Variants in RGS12 observed in about 807,000 individuals in gnomAD.
RGS12 encodes regulator of G protein signaling 12.
Under a neutral mutation model 120.1 loss-of-function variants are expected in RGS12, and 66 were observed. The observed-to-expected ratio is 0.55, with a 90% CI of 0.45 to 0.67. The LOEUF is 0.67. Among genes scored for constraint, RGS12 ranks in the 30% least tolerant of loss-of-function variants. The pLI, the probability that RGS12 is intolerant of heterozygous loss-of-function variation, is 0.00. For missense variants in RGS12, 1,859 were observed against 1,957.7 expected, an observed-to-expected ratio of 0.95 and a Z score of 0.95; for synonymous variants, 827 against 804.7, an observed-to-expected ratio of 1.03 and a Z score of -0.47.
intron 2 of RGS12, among the ~76,000 whole-genome samples, chr4:3,337,294 T>G (rs1009900042): frequency 6.6e-6 from 1 of 152,216 alleles, no homozygotes; most frequent in African/African-American, 2.4e-5. Flanking sequence ...GCACCCACCA[T>G]GGGAAACAGT....
Position 3,430,646 on chromosome 4 carries a change from G to A in RGS12, c.3805G>A (p.Asp1269Asn), listed in dbSNP as rs757182071. Residue 1269 changes from aspartate (D) to asparagine (N), a missense_variant, in exon 17 of 18, where the codon GAC (aspartate) becomes AAC (asparagine). Physicochemically the swap from Asp to Asn is conservative, Grantham distance 23. This residue lies in a region of RGS12 where 517 missense variants were observed against 488.5 expected (regional missense o/e 1.06). Coordinates refer to ENST00000336727, the MANE Select transcript of RGS12 (RefSeq NM_001394154.1). The stretch of plus-strand genomic sequence containing the variant: ...GTGGGAGCCAGTCCAGGAGAGCAGC[G>A]ACAGCCCGTCCACCAGCCCGGGCTC... The part of the protein sequence containing the change: ...EQWEPVQESS[D>N]SPSTSPGSAS... The A allele has an allele frequency of 1.9e-5, 31 of 1,599,562 alleles. No individual in the cohort carries two copies. Among genetic ancestry groups the A allele is most frequent in the South Asian group, 6.7e-5 (6 of 89,950 alleles).
At chr4:3,345,707 G>A (rs1713723531) in intron 3 of RGS12, among the ~76,000 whole-genome samples, 1 of 152,208 alleles carries the variant, frequency 6.6e-6, no homozygotes, top group South Asian at 2.1e-4. Context: ...ATTCTGTTAG[G>A]AGTTGTACTT....
chr4:3,328,938 T>G (rs1711531885), intron 2 of RGS12, among the ~76,000 whole-genome samples: 2 of 152,170 alleles, frequency 1.3e-5, no homozygotes, highest in Admixed American at 6.5e-5. Context: ...GGCCTGACTT[T>G]TCCTCCCCCT....
chr4:3,311,450 T>C lies in RGS12; in HGVS notation c.-101-4620T>C, dbSNP rs551258896. Among the ~76,000 whole-genome samples the C allele has an allele frequency of 1.1e-4, 16 of 152,368 alleles. No individual in the cohort carries two copies. The South Asian group carries it at 3.3e-3, about 32-fold the overall frequency. On this transcript the variant is annotated intron_variant, in intron 1 of 17. Coordinates refer to ENST00000336727, the MANE Select transcript of RGS12 (RefSeq NM_001394154.1). ...CTAGATCACCCTGAGTTTTTTTTCT[T>C]TGTTTTGTTTTATTGTCCTCTTTAC...
upstream of RGS12, among the ~76,000 whole-genome samples, chr4:3,292,084 A>G (rs2110338463): frequency 6.6e-6 from 1 of 152,320 alleles, no homozygotes; most frequent in South Asian, 2.1e-4. Flanking sequence ...GGCGGGCGGC[A>G]GGGCTGGAGC....
intron 2 of RGS12, among the ~76,000 whole-genome samples, chr4:3,333,597 C>G (rs182131315): frequency 6.6e-6 from 1 of 152,330 alleles, no homozygotes; most frequent in South Asian, 2.1e-4. Flanking sequence ...GCACTAATCT[C>G]GTCCTTCCAC....
At position 3,428,075 on chromosome 4, in the gene RGS12, C is replaced by G; in HGVS notation, c.3332-15C>G. On this transcript the variant is annotated splice_polypyrimidine_tract_variant and intron_variant, in intron 14 of 17. Transcript: ENST00000336727. ...TTTGCGAGTCCCTGAAGTCATAAAG[C>G]TTTCTTATGTTTAGCATCCGCAGAT... is the stretch of plus-strand genomic sequence containing the variant. The G allele has an allele frequency of 1.2e-6, 2 of 1,611,384 alleles. No homozygotes were observed. The highest frequency in any genetic ancestry group is 4.5e-5 in the East Asian group (2 of 44,838).
chr4:3,393,757 C>T lies in RGS12; in HGVS notation c.2020+7320C>T, dbSNP rs902329590. Among the ~76,000 whole-genome samples the T allele has an allele frequency of 3.6e-4, 55 of 152,334 alleles. 1 individual carries two copies. The highest frequency in any genetic ancestry group is 1.3e-3 in the African/African-American group (53 of 41,576). On this transcript the variant is annotated intron_variant, in intron 4 of 17. Coordinates refer to ENST00000336727, the MANE Select transcript of RGS12 (RefSeq NM_001394154.1). Reference sequence around the variant, plus strand: ...AAGGCCTGTCCCAGGTGCTCTCCCACGGCAGATAGAGTTCTGTGATATAAT... The same window carrying T: ...AAGGCCTGTCCCAGGTGCTCTCCCATGGCAGATAGAGTTCTGTGATATAAT...
At chr4:3,400,390 T>C (rs1282131832) in intron 4 of RGS12, among the ~76,000 whole-genome samples, 8 of 152,298 alleles carry the variant, frequency 5.3e-5, no homozygotes, top group Middle Eastern at 6.8e-3. Flanking sequence ...TTTGTGGGGC[T>C]CTCACTTTTC....
intron 3 of RGS12, among the ~76,000 whole-genome samples, chr4:3,356,127 C>T (rs1165577566): frequency 6.8e-6 from 1 of 147,866 alleles, no homozygotes; most frequent in Non-Finnish European, 1.5e-5. Context: ...AATCTTGGCT[C>T]ACTGCAACCT....
intron 17 of RGS12, among the ~76,000 whole-genome samples, chr4:3,437,026 G>A (rs1724876062): frequency 6.6e-6 from 1 of 152,186 alleles, no homozygotes; most frequent in South Asian, 2.1e-4. Context: ...AGGTGGTGCA[G>A]GCTCTGCTGG....
chr4:3,367,113 G>A (rs1322499646), intron 3 of RGS12, among the ~76,000 whole-genome samples: 2 of 152,230 alleles, frequency 1.3e-5, no homozygotes, highest in Non-Finnish European at 2.9e-5. Context: ...CTGGGGAGGT[G>A]AGGGGCTCCC....
At chr4:3,350,198 A>G (rs1396323933) in intron 3 of RGS12, among the ~76,000 whole-genome samples, 1 of 152,262 alleles carries the variant, frequency 6.6e-6, no homozygotes, top group African/African-American at 2.4e-5. Context: ...TAGTCATTAA[A>G]AAGTTATACA....
At chr4:3,401,552 C>T (rs569913935) in intron 4 of RGS12, among the ~76,000 whole-genome samples, 5 of 152,366 alleles carry the variant, frequency 3.3e-5, no homozygotes, top group East Asian at 3.9e-4. Context: ...GGAGTTCTCA[C>T]GCTGTCCCTG....
At chr4:3,417,365 C>G (rs1722520630) in intron 8 of RGS12, 23 bp from the exon 9 acceptor site, 1 of 1,552,928 alleles carries the variant, frequency 6.4e-7, no homozygotes, top group Non-Finnish European at 8.7e-7. Flanking sequence ...ATTGTTTTAA[C>G]CAAGGTTTCC....
intron 1 of RGS12, among the ~76,000 whole-genome samples, chr4:3,309,581 G>A: frequency 1.5e-5 from 2 of 131,324 alleles, no homozygotes; most frequent in Non-Finnish European, 3.1e-5. Flanking sequence ...TCTGCTGAGG[G>A]GAACTGTGTT....
intron 2 of RGS12, chr4:3,342,530 C>G (rs905565466): frequency 7.0e-6 from 9 of 1,292,514 alleles, no homozygotes; most frequent in Middle Eastern, 2.1e-4. Flanking sequence ...TTGCTGAAAA[C>G]CTGCCTTCAT....
chr4:3,383,068 AG>A (rs1718434298), intron 3 of RGS12, among the ~76,000 whole-genome samples: 1 of 152,002 alleles, frequency 6.6e-6, no homozygotes, highest in South Asian at 2.1e-4. Flanking sequence ...TCTTTCTGGA[AG>A]GATTTGCATT....
chr4:3,382,002 A>G (rs925312961), intron 3 of RGS12, among the ~76,000 whole-genome samples: 6 of 152,160 alleles, frequency 3.9e-5, no homozygotes, highest in African/African-American at 1.2e-4. Context: ...ACCCAGCACC[A>G]CTTTGTACAC....
Sources: gnomAD v4.1 joint callset for allele counts (sites outside exome capture counted in the v4.1 genomes callset) on GRCh38, gnomAD v4.1.1 for gene constraint, gnomAD v4.1.1 regional missense constraint, MANE v1.5 for transcripts, NCBI Gene and HGNC (gene_info 2026-07-23, HGNC 2026-07-21) for gene names.